NRXN1: variants seen among roughly 807,000 people sequenced by gnomAD.
The protein encoded by NRXN1 is neurexin 1.
NRXN1 carries 39 observed loss-of-function variants against 150.9 expected under a neutral mutation model. That is an observed-to-expected ratio of 0.26 (90% CI 0.20 to 0.34). The LOEUF is 0.34. NRXN1 is among the 10% of genes least tolerant of loss of function. The pLI, the probability that NRXN1 is intolerant of heterozygous loss-of-function variation, is 1.00. For synonymous variants in NRXN1, 924 were observed against 757.0 expected (o/e 1.22, Z -3.62); for missense variants, 1,815 against 1,949.9 (o/e 0.93, Z 1.30).
chr2:50,572,062 C>T (rs557339048), intron 8 of NRXN1, among the ~76,000 whole-genome samples: 29 of 152,216 alleles, frequency 1.9e-4, no homozygotes, highest in African/African-American at 6.3e-4. Context: ...AAGACTCTGG[C>T]GGGTTGCAGA....
chr2:50,831,562 T>C lies in NRXN1; in HGVS notation c.832+90307A>G, dbSNP rs561001978. ...TCTGGGTACAGATTACACAAATGTG[T>C]TCAGTTTGTCAAAGTTCTTCAGAGT... On this transcript the variant is annotated intron_variant, in intron 5 of 22. Transcript: ENST00000401669. 2.6e-5 allele frequency among the ~76,000 whole-genome samples: 4 copies of C among 152,310 alleles called. No homozygotes were observed. The East Asian group carries it at 5.8e-4, about 22-fold the overall frequency.
At chr2:50,914,218 T>C (rs1309337656) in intron 5 of NRXN1, among the ~76,000 whole-genome samples, 1 of 151,672 alleles carries the variant, frequency 6.6e-6, no homozygotes, top group Non-Finnish European at 1.5e-5. Flanking sequence ...TGTATCTGTG[T>C]GCTGAGAAAG....
intron 19 of NRXN1, among the ~76,000 whole-genome samples, chr2:50,072,274 G>A (rs1696396920): frequency 1.3e-5 from 2 of 151,748 alleles, no homozygotes. Flanking sequence ...AGCTTTCCAA[G>A]TTATGGAAAA....
At chr2:50,939,187 G>A (rs534228253) in intron 2 of NRXN1, among the ~76,000 whole-genome samples, 1 of 134,564 alleles carries the variant, frequency 7.4e-6, no homozygotes, top group South Asian at 2.3e-4. Flanking sequence ...CTCTAGCCTG[G>A]GCAACAGAGC....
At chr2:50,501,400 A>AGAGTGTGTGT (rs1553706190) in intron 13 of NRXN1, among the ~76,000 whole-genome samples, 2 of 148,180 alleles carry the variant, frequency 1.3e-5, no homozygotes, top group Admixed American at 6.8e-5. Context: ...TGTGTGTGTG[A>AGAGTGTGTGT]GTGTGTGTGT....
intron 19 of NRXN1, among the ~76,000 whole-genome samples, chr2:50,076,135 T>C (rs1156713949): frequency 6.6e-6 from 1 of 152,202 alleles, no homozygotes; most frequent in African/African-American, 2.4e-5. Flanking sequence ...CTTAGTAATG[T>C]CTTCATAGTG....
intron 17 of NRXN1, among the ~76,000 whole-genome samples, chr2:50,342,747 T>C (rs1483372040): frequency 6.6e-6 from 1 of 152,258 alleles, no homozygotes; most frequent in African/African-American, 2.4e-5. Flanking sequence ...TTAAACGGCA[T>C]AGAGGACCCT....
At chr2:50,711,161 C>T (rs959099736) in intron 5 of NRXN1, among the ~76,000 whole-genome samples, 16 of 152,106 alleles carry the variant, frequency 1.1e-4, no homozygotes, top group Non-Finnish European at 1.9e-4. Context: ...TACTGCAAGG[C>T]TCTATCTAAA....
intron 18 of NRXN1, among the ~76,000 whole-genome samples, chr2:50,132,316 T>C (rs1705636649): frequency 6.6e-6 from 1 of 151,304 alleles, no homozygotes. Flanking sequence ...CTTTTTTTTT[T>C]TTTTTTTAAG....
chr2:50,566,931 T>C (rs1669967024), intron 8 of NRXN1, among the ~76,000 whole-genome samples: 1 of 152,128 alleles, frequency 6.6e-6, no homozygotes, highest in Non-Finnish European at 1.5e-5. Context: ...CCTTATCCCT[T>C]TTCTCTTTTT....
At position 50,439,577 on chromosome 2, in the gene NRXN1, C is replaced by T. The variant is rs1052953903; in HGVS notation, c.3364+25865G>A. Among the ~76,000 whole-genome samples, 7 of 151,918 alleles carry T rather than the reference C, an allele frequency of 4.6e-5. No homozygotes were observed. The South Asian group carries it at 8.3e-4, about 18-fold the overall frequency. ...ATCCCAGCACCCTGGGAGGCCGAGG[C>T]GGGTGGATCACGAGGTCAGGAGATT... is the stretch of plus-strand genomic sequence containing the variant. On this transcript the variant is annotated intron_variant, in intron 17 of 22. Transcript: ENST00000401669.
intron 18 of NRXN1, among the ~76,000 whole-genome samples, chr2:50,219,985 T>A (rs7587274): frequency 7.9e-4 from 41 of 51,708 alleles, no homozygotes; most frequent in African/African-American, 1.6e-3. Flanking sequence ...AATATATATA[T>A]TATATATAAT....
intron 5 of NRXN1, among the ~76,000 whole-genome samples, chr2:50,867,351 G>T (rs1472823208): frequency 2.0e-5 from 3 of 151,722 alleles, no homozygotes; most frequent in African/African-American, 7.2e-5. Context: ...ATCAGAAGGA[G>T]ATTTTTACTC....
chr2:49,937,625 T>C (rs1011096759), intron 22 of NRXN1, among the ~76,000 whole-genome samples: 5 of 152,172 alleles, frequency 3.3e-5, no homozygotes, highest in African/African-American at 1.2e-4. Flanking sequence ...ATCCCGCACC[T>C]GAATGATGAG....
At chr2:50,375,711 T>G (rs1400573030) in intron 17 of NRXN1, among the ~76,000 whole-genome samples, 1 of 151,542 alleles carries the variant, frequency 6.6e-6, no homozygotes, top group East Asian at 2.0e-4. Flanking sequence ...CTCAAATGCA[T>G]GTAAGTGTCA....
At chr2:50,084,327 C>T (rs558271530) in intron 19 of NRXN1, among the ~76,000 whole-genome samples, 164 of 152,248 alleles carry the variant, frequency 1.1e-3, no homozygotes, top group African/African-American at 3.8e-3. Context: ...TCAGGCATGG[C>T]GGACTGCAGG....
At chr2:50,282,641 A>AGTTT (rs1186324944) in intron 17 of NRXN1, among the ~76,000 whole-genome samples, 1 of 152,184 alleles carries the variant, frequency 6.6e-6, no homozygotes, top group Non-Finnish European at 1.5e-5. Context: ...TAAATGGTAT[A>AGTTT]GTTTGGGTCA....
intron 5 of NRXN1, among the ~76,000 whole-genome samples, chr2:50,716,736 T>G (rs547743728): frequency 4.3e-4 from 65 of 152,314 alleles, no homozygotes; most frequent in Middle Eastern, 3.4e-3. Context: ...TACAATTTAG[T>G]TAAGTGTCAG....
intron 17 of NRXN1, among the ~76,000 whole-genome samples, chr2:50,353,996 GTCCTTATTTCAGGTTTTATTAAC>G (rs2078609541): frequency 6.6e-6 from 1 of 152,060 alleles, no homozygotes; most frequent in Non-Finnish European, 1.5e-5. Flanking sequence ...GAATGCCAAG[GTCCTTATTTCAGGTTTTATTAAC>G]TAACACATGG....
Sources: allele counts gnomAD v4.1 joint callset (sites outside exome capture counted in the v4.1 genomes callset), GRCh38; gene constraint gnomAD v4.1.1; transcripts MANE v1.5; gene names NCBI Gene and HGNC (gene_info 2026-07-23, HGNC 2026-07-21).